The following SPTLC3 variants were observed in gnomAD, a reference collection of about 807,000 sequenced individuals.
SPTLC3 encodes serine palmitoyltransferase long chain base subunit 3.
In SPTLC3, 36 loss-of-function variants were observed where a neutral mutation model predicts 59.3. The ratio of observed to expected loss-of-function variants is 0.61; its 90% confidence interval spans 0.47 to 0.80. The LOEUF is 0.80. SPTLC3 is among the 30% of genes least tolerant of loss of function. The pLI, the probability that SPTLC3 is intolerant of heterozygous loss-of-function variation, is 0.00. For synonymous variants in SPTLC3, 257 were observed against 240.8 expected (o/e 1.07, Z -0.62); for missense variants, 625 against 685.1 (o/e 0.91, Z 0.98).
intron 1 of SPTLC3, among the ~76,000 whole-genome samples, chr20:13,042,005 G>C (rs1987004157): frequency 6.6e-6 from 1 of 152,138 alleles, no homozygotes; most frequent in Admixed American, 6.6e-5. Flanking sequence ...CTGCCGGATT[G>C]CTCTATTGGT....
At chr20:13,091,331 T>G in intron 5 of SPTLC3, 124 bp downstream of exon 5, 1 of 1,259,988 alleles carries the variant, frequency 7.9e-7, no homozygotes, top group Non-Finnish European at 1.1e-6. Flanking sequence ...TCCTAGCACT[T>G]TGGGAGCCCA....
At chr20:13,095,857 T>C (rs914152227) in intron 6 of SPTLC3, among the ~76,000 whole-genome samples, 3 of 152,184 alleles carry the variant, frequency 2.0e-5, no homozygotes, top group African/African-American at 7.2e-5. Flanking sequence ...TGGCAGAGAA[T>C]GTGTTCCAAG....
In SPTLC3 at chr20:13,167,904, T is replaced by C. The variant is rs996438186; in HGVS notation, c.*3037T>C. ...TTCAAACTCTAATTTGATAAACCAA[T>C]TGACTCTAATAGCAGGAACCTTGTT... On this transcript the variant is annotated 3_prime_UTR_variant, in exon 12 of 12. Transcript: ENST00000399002. The C allele has an allele frequency of 2.6e-5, 4 of 152,196 alleles. No homozygotes were observed. The highest frequency in any genetic ancestry group is 9.7e-5 in the African/African-American group (4 of 41,438). 9.4% of individuals were successfully genotyped at this position (152,196 alleles called of 1,614,324 possible). A position where few individuals can be genotyped will look rare whatever the true frequency, so the allele number is the denominator to read the frequency against.
intron 1 of SPTLC3, among the ~76,000 whole-genome samples, chr20:13,038,379 C>T (rs1986829633): frequency 6.6e-6 from 1 of 152,052 alleles, no homozygotes; most frequent in South Asian, 2.1e-4. Context: ...CGGGTCTATT[C>T]AGATTTTCCA....
chr20:13,093,619 C>T (rs768880771), intron 6 of SPTLC3, 42 bp downstream of exon 6: 23 of 1,569,502 alleles, frequency 1.5e-5, no homozygotes, highest in Non-Finnish European at 1.9e-5. Flanking sequence ...TGGATTGCTC[C>T]TAGAAGAAAG....
intron 2 of SPTLC3, among the ~76,000 whole-genome samples, chr20:13,059,043 G>A (rs1385449018): frequency 6.6e-6 from 1 of 152,178 alleles, no homozygotes; most frequent in Admixed American, 6.5e-5. Flanking sequence ...CAAAGACCAT[G>A]GACATCTGGG....
At chr20:13,014,405 G>A (rs1046527108) in intron 1 of SPTLC3, among the ~76,000 whole-genome samples, 9 of 152,194 alleles carry the variant, frequency 5.9e-5, no homozygotes, top group African/African-American at 2.2e-4. Context: ...AGTTGTACAG[G>A]CATAGAAAGG....
intron 2 of SPTLC3, among the ~76,000 whole-genome samples, chr20:13,068,750 TAA>T (rs59578735): frequency 4.7e-5 from 7 of 147,850 alleles, no homozygotes; most frequent in Admixed American, 6.7e-5. Context: ...CTGAGTACTT[TAA>T]AAAAAAAAAA....
chr20:13,036,884 C>A (rs909881160), intron 1 of SPTLC3, among the ~76,000 whole-genome samples: 6 of 152,090 alleles, frequency 3.9e-5, no homozygotes, highest in African/African-American at 9.7e-5. Context: ...CTTTCCACTG[C>A]AAGTAATGGA....
At chr20:13,132,405 G>A (rs945459865) in intron 9 of SPTLC3, among the ~76,000 whole-genome samples, 2 of 151,868 alleles carry the variant, frequency 1.3e-5, no homozygotes, top group Non-Finnish European at 2.9e-5. Flanking sequence ...TTGAGCTCCC[G>A]ACCTCAAGTA....
At chr20:13,141,060 A>G (rs1487421174) in intron 9 of SPTLC3, among the ~76,000 whole-genome samples, 1 of 152,218 alleles carries the variant, frequency 6.6e-6, no homozygotes, top group Non-Finnish European at 1.5e-5. Flanking sequence ...AGGTTTAAAA[A>G]AAACAGGGAC....
chr20:13,093,084 T>C (rs1325499867), intron 5 of SPTLC3, among the ~76,000 whole-genome samples: 1 of 152,176 alleles, frequency 6.6e-6, no homozygotes, highest in Non-Finnish European at 1.5e-5. Flanking sequence ...GACCCTTGCC[T>C]TTCAGGAAGA....
intron 2 of SPTLC3, among the ~76,000 whole-genome samples, chr20:13,059,218 C>T (rs1323478236): frequency 6.7e-6 from 1 of 149,908 alleles, no homozygotes; most frequent in Non-Finnish European, 1.5e-5. Flanking sequence ...ATTTCAGTGC[C>T]CTAAAATTAT....
intron 2 of SPTLC3, among the ~76,000 whole-genome samples, chr20:13,067,648 T>C (rs1988274512): frequency 1.3e-5 from 2 of 152,204 alleles, no homozygotes; most frequent in Non-Finnish European, 2.9e-5. Flanking sequence ...TTATTCAATA[T>C]CTCTATCTAA....
At chr20:13,088,308 T>TGTG (rs1989073400) in intron 4 of SPTLC3, among the ~76,000 whole-genome samples, 1 of 152,052 alleles carries the variant, frequency 6.6e-6, no homozygotes, top group Non-Finnish European at 1.5e-5. Context: ...ACTTGTTTTT[T>TGTG]GTTGTTGTTG....
At chr20:13,075,300 T>C (rs1417202850) in intron 4 of SPTLC3, among the ~76,000 whole-genome samples, 4 of 152,162 alleles carry the variant, frequency 2.6e-5, no homozygotes, top group African/African-American at 9.7e-5. Context: ...TTCTCCCTCC[T>C]AGTGACACAT....
Position 13,168,809 on chromosome 20 carries a change from A to C in SPTLC3, c.*3942A>C, listed in dbSNP as rs2039015625. The C allele has an allele frequency of 6.6e-6, 1 of 152,222 alleles. No homozygotes were observed. The highest frequency in any genetic ancestry group is 2.1e-4 in the South Asian group (1 of 4,832). The allele number at this position is 152,222 out of a possible 1,614,324, so 9.4% of individuals were successfully genotyped here. A position where few individuals can be genotyped will look rare whatever the true frequency, so the allele number is the denominator to read the frequency against. On this transcript the variant is annotated 3_prime_UTR_variant, in exon 12 of 12. Coordinates refer to ENST00000399002, the MANE Select transcript of SPTLC3 (RefSeq NM_018327.4). ...CAATGTTTCCTGGTCTCAAAACAGT[A>C]AGAACAATTTGAAGTCTGTTCTTTA...
At chr20:13,042,042 G>C (rs1165706242) in intron 1 of SPTLC3, among the ~76,000 whole-genome samples, 1 of 152,152 alleles carries the variant, frequency 6.6e-6, no homozygotes, top group African/African-American at 2.4e-5. Context: ...GGCATAAATT[G>C]CTTCACAATC....
intron 1 of SPTLC3, among the ~76,000 whole-genome samples, chr20:13,017,199 A>G (rs1233862477): frequency 2.0e-5 from 3 of 152,210 alleles, no homozygotes; most frequent in Non-Finnish European, 4.4e-5. Flanking sequence ...CATTCTTAAT[A>G]AAAATTTTAG....
Sources: gnomAD v4.1 joint callset for allele counts (sites outside exome capture counted in the v4.1 genomes callset) on GRCh38, gnomAD v4.1.1 for gene constraint, MANE v1.5 for transcripts, NCBI Gene and HGNC (gene_info 2026-07-23, HGNC 2026-07-21) for gene names.